The following PDE4D variants were observed in gnomAD, a reference collection of about 807,000 sequenced individuals.
The protein encoded by PDE4D is 3',5'-cyclic-AMP phosphodiesterase 4D.
PDE4D carries 24 observed loss-of-function variants against 87.4 expected under a neutral mutation model. The observed-to-expected ratio is 0.27, with a 90% confidence interval of 0.20 to 0.39. The LOEUF (loss-of-function observed/expected upper bound fraction) is 0.39, where lower values mean the gene tolerates loss of function less well. Ranked by LOEUF, PDE4D falls within the 10% of genes least tolerant of loss-of-function variation. The pLI, the probability that PDE4D is intolerant of heterozygous loss-of-function variation, is 1.00. For missense variants in PDE4D, 714 were observed against 1,041.0 expected (o/e 0.69, Z 4.32); for synonymous variants, 384 against 383.2 (o/e 1.00, Z -0.02).
intron 1 of PDE4D, among the ~76,000 whole-genome samples, chr5:59,680,277 C>T (rs901543418): frequency 2.0e-5 from 3 of 152,102 alleles, no homozygotes; most frequent in Non-Finnish European, 4.4e-5. Flanking sequence ...ACATTTGTCC[C>T]GTTGTTTCCA....
intron 2 of PDE4D, among the ~76,000 whole-genome samples, chr5:59,206,216 C>T (rs1236937946): frequency 6.6e-6 from 1 of 152,142 alleles, no homozygotes; most frequent in African/African-American, 2.4e-5. Context: ...GTGAATCATA[C>T]CACAGATTAC....
intron 1 of PDE4D, among the ~76,000 whole-genome samples, chr5:59,241,511 T>A (rs1309190520): frequency 6.6e-6 from 1 of 152,210 alleles, no homozygotes; most frequent in Non-Finnish European, 1.5e-5. Context: ...TTTCAGGTTT[T>A]AATGAGAGAA....
chr5:59,905,870 G>T (rs1752757617), intron 3 of PDE4D, among the ~76,000 whole-genome samples: 1 of 152,128 alleles, frequency 6.6e-6, no homozygotes. Flanking sequence ...TGTTGAACTA[G>T]TAATAGGGCT....
At chr5:59,137,672 G>C (rs531882599) in intron 5 of PDE4D, among the ~76,000 whole-genome samples, 2 of 151,956 alleles carry the variant, frequency 1.3e-5, no homozygotes, top group Admixed American at 6.6e-5. Context: ...GACTACAGGC[G>C]CCCGCCACCA....
intron 1 of PDE4D, among the ~76,000 whole-genome samples, chr5:59,773,986 A>G (rs1254488700): frequency 6.6e-6 from 1 of 152,176 alleles, no homozygotes. Flanking sequence ...CCAATAATTT[A>G]TCTAGACAGA....
chr5:59,480,254 A>C (rs1804017391), intron 1 of PDE4D, among the ~76,000 whole-genome samples: 1 of 152,110 alleles, frequency 6.6e-6, no homozygotes, highest in African/African-American at 2.4e-5. Flanking sequence ...GTTATCAAAA[A>C]GGATAGAATA....
chr5:59,075,756 A>G (rs1381525800), intron 5 of PDE4D, among the ~76,000 whole-genome samples: 1 of 152,160 alleles, frequency 6.6e-6, no homozygotes, highest in Non-Finnish European at 1.5e-5. Context: ...GAAAGATATA[A>G]GTATTGTCTT....
intron 1 of PDE4D, among the ~76,000 whole-genome samples, chr5:60,510,632 G>T (rs1454566177): frequency 2.6e-5 from 4 of 152,162 alleles, no homozygotes; most frequent in African/African-American, 9.7e-5. Context: ...TGATACAGCT[G>T]GAAGGGCAAG....
At chr5:59,003,409 C>G (rs1313756827) in intron 6 of PDE4D, among the ~76,000 whole-genome samples, 1 of 152,152 alleles carries the variant, frequency 6.6e-6, no homozygotes, top group Non-Finnish European at 1.5e-5. Context: ...CCTAAAATAC[C>G]CTCCTTCTTC....
At chr5:59,527,185 G>A (rs1478726744) in intron 1 of PDE4D, among the ~76,000 whole-genome samples, 2 of 152,082 alleles carry the variant, frequency 1.3e-5, no homozygotes, top group Admixed American at 1.3e-4. Context: ...ATGCAAGTGT[G>A]TTTACAACAT....
intron 2 of PDE4D, among the ~76,000 whole-genome samples, chr5:60,063,102 GA>G (rs1211650146): frequency 0.044 from 2,688 of 61,128 alleles, 38 homozygotes; most frequent in Middle Eastern, 0.087. Flanking sequence ...AAAGAAGAAA[GA>G]AAGAAAGAAA....
intron 1 of PDE4D, among the ~76,000 whole-genome samples, chr5:59,492,915 G>A (rs1304100210): frequency 1.3e-5 from 2 of 152,090 alleles, no homozygotes; most frequent in African/African-American, 4.8e-5. Context: ...TATAAGACGC[G>A]ACTTGCTCCT....
chr5:60,347,858 T>C (rs539590561), intron 1 of PDE4D, among the ~76,000 whole-genome samples: 3 of 152,226 alleles, frequency 2.0e-5, no homozygotes, highest in East Asian at 1.9e-4. Flanking sequence ...TGGTGCCAAA[T>C]TGCAAAGCGA....
At chr5:59,194,882 A>G (rs1745110818) in intron 2 of PDE4D, among the ~76,000 whole-genome samples, 1 of 152,160 alleles carries the variant, frequency 6.6e-6, no homozygotes, top group Admixed American at 6.5e-5. Flanking sequence ...TGCCATTGCA[A>G]CAGTATTAAG....
intron 4 of PDE4D, 62 bp downstream of exon 4, chr5:59,185,127 C>A: frequency 3.0e-6 from 4 of 1,316,118 alleles, no homozygotes; most frequent in Non-Finnish European, 4.4e-6. Context: ...TGGGCTCAAT[C>A]AAGTTGAGAA....
chr5:60,259,999 C>A (rs747026247), intron 1 of PDE4D, among the ~76,000 whole-genome samples: 1 of 151,852 alleles, frequency 6.6e-6, no homozygotes, highest in East Asian at 1.9e-4. Flanking sequence ...TCAGGAAACG[C>A]CTCTTAAAGA....
chr5:60,493,146 A>C (rs1031622398), intron 1 of PDE4D, among the ~76,000 whole-genome samples: 22 of 152,332 alleles, frequency 1.4e-4, no homozygotes, highest in African/African-American at 5.3e-4. Flanking sequence ...ATGCAAGGAC[A>C]CTAACCCAGG....
chr5:59,542,608 C>T (rs1022901427), intron 1 of PDE4D, among the ~76,000 whole-genome samples: 6 of 152,160 alleles, frequency 3.9e-5, no homozygotes, highest in African/African-American at 1.4e-4. Context: ...ATGCACTCAT[C>T]AAATAATTTT....
chr5:59,821,934 C>A (rs1769732104), intron 1 of PDE4D, among the ~76,000 whole-genome samples: 1 of 152,162 alleles, frequency 6.6e-6, no homozygotes, highest in Admixed American at 6.5e-5. Context: ...TGACATTTCC[C>A]CTTGTCTAAT....
Sources: allele counts gnomAD v4.1 joint callset (sites outside exome capture counted in the v4.1 genomes callset), GRCh38; gene constraint gnomAD v4.1.1; transcripts MANE v1.5; gene names NCBI Gene and HGNC (gene_info 2026-07-23, HGNC 2026-07-21).